RASA2: variants seen among roughly 807,000 people sequenced by gnomAD.
The protein encoded by RASA2 is RAS p21 protein activator 2.
A neutral mutation model predicts 118.2 loss-of-function variants in RASA2; 155 were observed. That is an observed-to-expected ratio of 1.31 (90% CI 1.15 to 1.50). The LOEUF is 1.50. Ranked by LOEUF, RASA2 falls within the 40% of genes most tolerant of loss-of-function variation. The probability of loss-of-function intolerance (pLI) is 0.00; values close to 1 mark genes in which losing one functional copy is unlikely to be tolerated. For synonymous variants in RASA2, 353 were observed against 349.1 expected, an observed-to-expected ratio of 1.01 and a Z score of -0.12; for missense variants, 1,016 against 1,009.6, an observed-to-expected ratio of 1.01 and a Z score of -0.09.
chr3:141,551,134 A>G (rs1349795193), intron 5 of RASA2, among the ~76,000 whole-genome samples: 1 of 152,192 alleles, frequency 6.6e-6, no homozygotes, highest in Non-Finnish European at 1.5e-5. Flanking sequence ...TTTCTGTTGC[A>G]TGCCAGACAT....
chr3:141,591,981 A>G (rs970553192), intron 19 of RASA2, among the ~76,000 whole-genome samples: 7 of 152,068 alleles, frequency 4.6e-5, no homozygotes, highest in Admixed American at 3.3e-4. Flanking sequence ...TGTACCAGAC[A>G]CTGTTCTAGG....
intron 19 of RASA2, among the ~76,000 whole-genome samples, chr3:141,592,098 A>G (rs2083293344): frequency 6.6e-6 from 1 of 152,212 alleles, no homozygotes; most frequent in Admixed American, 6.5e-5. Flanking sequence ...ATGTTGGATT[A>G]TAATAAATCA....
chr3:141,556,054 A>G (rs183594879), intron 7 of RASA2, 142 bp downstream of exon 7: 2 of 664,184 alleles, frequency 3.0e-6, no homozygotes, highest in East Asian at 3.0e-5. Flanking sequence ...CAGTAGAACC[A>G]TGGTGTGATG....
At chr3:141,594,720 G>C (rs1461222566) in intron 19 of RASA2, among the ~76,000 whole-genome samples, 1 of 152,116 alleles carries the variant, frequency 6.6e-6, no homozygotes, top group African/African-American at 2.4e-5. Flanking sequence ...AATGAAAGCT[G>C]AGAGAGACTC....
At chr3:141,515,944 G>C (rs148774811) in intron 2 of RASA2, among the ~76,000 whole-genome samples, 1 of 145,334 alleles carries the variant, frequency 6.9e-6, no homozygotes, top group Non-Finnish European at 1.5e-5. Flanking sequence ...GCAAACTATC[G>C]CAAAGACAAA....
At chr3:141,531,757 T>G (rs779687102) in intron 4 of RASA2, among the ~76,000 whole-genome samples, 12 of 151,948 alleles carry the variant, frequency 7.9e-5, no homozygotes, top group Non-Finnish European at 1.8e-4. Context: ...TAAAACAGAT[T>G]TTAGAAGGAA....
At chr3:141,497,771 C>G (rs892336648) in intron 1 of RASA2, among the ~76,000 whole-genome samples, 1 of 150,702 alleles carries the variant, frequency 6.6e-6, no homozygotes, top group African/African-American at 2.4e-5. Flanking sequence ...ACTTGGAATG[C>G]TGAGGCCAGA....
At chr3:141,563,454 A>T (rs2082768288) in intron 9 of RASA2, among the ~76,000 whole-genome samples, 1 of 152,162 alleles carries the variant, frequency 6.6e-6, no homozygotes, top group Non-Finnish European at 1.5e-5. Flanking sequence ...ATAATATTTT[A>T]AAATAATCAC....
At position 141,580,395 on chromosome 3, in the gene RASA2, C is replaced by G. The variant is rs1337184653; in HGVS notation, c.1618C>G (p.Leu540Val). ...PDAQTIRTLT[L>V]ISKTIQTLGS... ...TGCACAGACAATTAGAACATTAACT[C>G]TCATCTCAAAAACTATACAAACTTT... The change falls in exon 16 of 24, where the codon CTC (leucine) becomes GTC (valine). Residue 540 changes from leucine to valine, a missense_variant. Leu to Val is a conservative substitution (Grantham distance 32, BLOSUM62 1). Transcript: ENST00000286364. The G allele has an allele frequency of 3.7e-6, 6 of 1,608,874 alleles. No individual in the cohort carries two copies. Among genetic ancestry groups the G allele is most frequent in the African/African-American group, 2.7e-5 (2 of 74,692 alleles).
Position 141,487,084 on chromosome 3 carries a change from A to ATGGCGG in RASA2, c.2_7dup (p.Ala2_Ala3insValAla). The ATGGCGG allele has an allele frequency of 7.4e-7, 1 of 1,354,654 alleles. No individual in the cohort carries two copies. The highest frequency in any genetic ancestry group is 9.6e-7 in the Non-Finnish European group (1 of 1,040,372). The allele number at this position is 1,354,654 out of a possible 1,614,324, so 83.9% of individuals were successfully genotyped here. On this transcript the variant is annotated inframe_insertion, in exon 1 of 24. Coordinates refer to ENST00000286364, the MANE Select transcript of RASA2 (RefSeq NM_006506.5). ...GCTGCGGCACGGGCCGGGCGGCACC[A>ATGGCGG]TGGCGGCGGCGGCGCCTGCTGCTGC...
intron 1 of RASA2, among the ~76,000 whole-genome samples, chr3:141,499,380 A>G (rs1401533653): frequency 6.6e-6 from 1 of 152,154 alleles, no homozygotes; most frequent in East Asian, 1.9e-4. Flanking sequence ...GGATTGCCTT[A>G]TTTATGTGGA....
chr3:141,514,422 G>T (rs1264186074), intron 2 of RASA2, among the ~76,000 whole-genome samples: 1 of 152,170 alleles, frequency 6.6e-6, no homozygotes, highest in Admixed American at 6.5e-5. Context: ...TGGTGGGAGT[G>T]ATTGCAGAGT....
intron 5 of RASA2, among the ~76,000 whole-genome samples, chr3:141,546,130 A>G (rs77027912): frequency 0.02 from 3,030 of 152,234 alleles, 100 homozygotes; most frequent in African/African-American, 0.065. Flanking sequence ...ATTGCTTCCA[A>G]TTCTTGACTA....
At position 141,499,483 on chromosome 3, in the gene RASA2, A is replaced by G. The variant is rs914925053; in HGVS notation, c.133+12267A>G. ...CACTGAGTCTCGGCTAGCCACCCAA[A>G]CTGTGTCATATTCCTAGAGTCCTGT... On this transcript the variant is annotated intron_variant, in intron 1 of 23. Transcript: ENST00000286364. Among the ~76,000 whole-genome samples the G allele has an allele frequency of 3.3e-5, 5 of 152,198 alleles. No homozygotes were observed. The South Asian group carries it at 1.0e-3, about 32-fold the overall frequency.
chr3:141,544,531 T>G (rs961515269), intron 5 of RASA2, among the ~76,000 whole-genome samples: 4 of 152,246 alleles, frequency 2.6e-5, no homozygotes, highest in Admixed American at 1.3e-4. Context: ...TTCCTCTGTC[T>G]TCTTCATTCT....
rs371555439 is a variant in RASA2 at position 141,608,473 on chromosome 3, T to C, written c.2017-16T>C. On this transcript the variant is annotated splice_polypyrimidine_tract_variant and intron_variant, in intron 20 of 23. Coordinates refer to ENST00000286364, the MANE Select transcript of RASA2 (RefSeq NM_006506.5). Reference sequence around the variant, plus strand: ...GGACTCTTGTCACTAACTTTTTATCTTAATTGCCTATGAAGATGTTCCAAG... The same window carrying C: ...GGACTCTTGTCACTAACTTTTTATCCTAATTGCCTATGAAGATGTTCCAAG... 4 of 1,610,848 alleles carry C rather than the reference T, an allele frequency of 2.5e-6. No individual in the cohort carries two copies. The African/African-American group carries it at 4.0e-5, about 16-fold the overall frequency.
intron 3 of RASA2, among the ~76,000 whole-genome samples, chr3:141,521,007 A>G (rs1186731959): frequency 6.6e-6 from 1 of 152,220 alleles, no homozygotes; most frequent in East Asian, 1.9e-4. Flanking sequence ...GCTGTCATTA[A>G]ATTAGATAAA....
intron 1 of RASA2, among the ~76,000 whole-genome samples, chr3:141,508,293 T>G (rs1413406909): frequency 6.6e-6 from 1 of 152,088 alleles, no homozygotes; most frequent in African/African-American, 2.4e-5. Flanking sequence ...AAGGTTAGTG[T>G]TGTCAAATAA....
In RASA2 at chr3:141,614,484, A is replaced by G. The variant is rs1175048389; in HGVS notation, c.*2171A>G. 6.6e-6 allele frequency: 1 copy of G among 152,234 alleles called. No homozygotes were observed. The highest frequency in any genetic ancestry group is 2.4e-5 in the African/African-American group (1 of 41,466). 9.4% of individuals were successfully genotyped at this position (152,234 alleles called of 1,614,324 possible). ...CTCATTCCTCTGCTGTTACTTACAA[A>G]TGTTTTAATTTTTACTACCTGATAT... On this transcript the variant is annotated 3_prime_UTR_variant, in exon 24 of 24. Coordinates refer to ENST00000286364, the MANE Select transcript of RASA2 (RefSeq NM_006506.5).
Sources: allele counts gnomAD v4.1 joint callset (sites outside exome capture counted in the v4.1 genomes callset), GRCh38; gene constraint gnomAD v4.1.1; transcripts MANE v1.5; gene names NCBI Gene and HGNC (gene_info 2026-07-23, HGNC 2026-07-21).